Variants in PIK3C2G observed in about 807,000 individuals in gnomAD.
The protein encoded by PIK3C2G is phosphatidylinositol 3-kinase C2 domain-containing subunit gamma.
Under a neutral mutation model 181.1 loss-of-function variants are expected in PIK3C2G, and 168 were observed. The observed-to-expected ratio is 0.93, with a 90% CI of 0.82 to 1.05. The LOEUF is 1.05. Among genes scored for constraint, PIK3C2G ranks in the 50% least tolerant of loss-of-function variants. The pLI, the probability that PIK3C2G is intolerant of heterozygous loss-of-function variation, is 0.00. For missense variants in PIK3C2G, 1,869 were observed against 1,732.8 expected (o/e 1.08, Z -1.40); for synonymous variants, 573 against 592.2 (o/e 0.97, Z 0.47).
intron 1 of PIK3C2G, among the ~76,000 whole-genome samples, chr12:18,280,542 C>A (rs528816807): frequency 2.4e-4 from 37 of 151,882 alleles, no homozygotes; most frequent in African/African-American, 8.9e-4. Flanking sequence ...AGCCAGAAGG[C>A]CAAGATGATG....
chr12:18,552,966 A>T (rs1028050426), intron 26 of PIK3C2G, among the ~76,000 whole-genome samples: 7 of 152,126 alleles, frequency 4.6e-5, no homozygotes, highest in African/African-American at 1.7e-4. Context: ...GCATTTGAAA[A>T]GTTTAATGTA....
chr12:18,463,900 C>T (rs934547387), intron 18 of PIK3C2G, among the ~76,000 whole-genome samples: 11 of 152,098 alleles, frequency 7.2e-5, no homozygotes, highest in African/African-American at 2.7e-4. Flanking sequence ...AGGCCCTTCA[C>T]TCCTCCGCTC....
chr12:18,543,669 T>C (rs1944281733), intron 25 of PIK3C2G, among the ~76,000 whole-genome samples: 1 of 151,960 alleles, frequency 6.6e-6, no homozygotes, highest in Admixed American at 6.6e-5. Context: ...CTGCTTGTTT[T>C]TGTCAGCTTA....
intron 31 of PIK3C2G, among the ~76,000 whole-genome samples, chr12:18,631,766 T>G (rs539097460): frequency 6.6e-6 from 1 of 152,244 alleles, no homozygotes; most frequent in South Asian, 2.1e-4. Flanking sequence ...GAAAACTGAG[T>G]AGCAGTACTA....
intron 11 of PIK3C2G, among the ~76,000 whole-genome samples, chr12:18,359,208 T>C (rs1228981744): frequency 6.6e-6 from 1 of 152,208 alleles, no homozygotes; most frequent in East Asian, 1.9e-4. Flanking sequence ...TTTGCCGGAG[T>C]GTGTTGTTTA....
intron 18 of PIK3C2G, among the ~76,000 whole-genome samples, chr12:18,479,429 G>C (rs1040346434): frequency 2.0e-4 from 30 of 152,034 alleles, no homozygotes; most frequent in Non-Finnish European, 4.4e-5. Flanking sequence ...CAGTCCACTG[G>C]GTGGATGACT....
chr12:18,609,095 A>G (rs1019143734), intron 30 of PIK3C2G, among the ~76,000 whole-genome samples: 3 of 152,154 alleles, frequency 2.0e-5, no homozygotes, highest in Admixed American at 2.0e-4. Flanking sequence ...TCCATTTTAT[A>G]TAAAGTTGAT....
At chr12:18,402,777 G>A (rs115285341) in intron 16 of PIK3C2G, among the ~76,000 whole-genome samples, 27 of 152,192 alleles carry the variant, frequency 1.8e-4, no homozygotes, top group African/African-American at 4.1e-4. Flanking sequence ...ATTATGCTTC[G>A]TGAGTCTTCT....
the PIK3C2G span, among the ~76,000 whole-genome samples, chr12:18,716,160 A>G: frequency 6.6e-6 from 1 of 152,102 alleles, no homozygotes; most frequent in East Asian, 1.9e-4. Flanking sequence ...TTTGATTATG[A>G]CGGTAAATTG....
At chr12:18,279,030 T>A (rs554959901) in intron 1 of PIK3C2G, among the ~76,000 whole-genome samples, 97 of 152,156 alleles carry the variant, frequency 6.4e-4, no homozygotes, top group Non-Finnish European at 1.2e-3. Flanking sequence ...AAAAAAATAT[T>A]GTTATTAATA....
At chr12:18,324,361 G>A (rs1259094610) in intron 7 of PIK3C2G, among the ~76,000 whole-genome samples, 2 of 151,934 alleles carry the variant, frequency 1.3e-5, no homozygotes, top group Non-Finnish European at 2.9e-5. Context: ...AAATGAGAAT[G>A]CAGCTACTGT....
chr12:18,371,315 A>G lies in PIK3C2G; in HGVS notation c.1880+4A>G. The G allele has an allele frequency of 6.2e-7, 1 of 1,604,686 alleles. No homozygotes were observed. Among genetic ancestry groups the G allele is most frequent in the Non-Finnish European group, 8.5e-7 (1 of 1,176,034 alleles). ...GTCTTCCACTGTTTCCAAAAGAGTA[A>G]GTGTATCAATTGTGAGTAATAAGCC... is the stretch of plus-strand genomic sequence containing the variant. On this transcript the variant is annotated splice_donor_region_variant and intron_variant, in intron 13 of 32. Transcript: ENST00000538779.
the PIK3C2G span, among the ~76,000 whole-genome samples, chr12:18,661,712 C>A: frequency 6.6e-6 from 1 of 152,218 alleles, no homozygotes; most frequent in Middle Eastern, 3.4e-3. Context: ...GAAATTAGGT[C>A]AGCCATTGTG....
chr12:18,389,777 A>T (rs1943423949), intron 14 of PIK3C2G, among the ~76,000 whole-genome samples: 1 of 152,202 alleles, frequency 6.6e-6, no homozygotes, highest in African/African-American at 2.4e-5. Flanking sequence ...ACGTATCAGA[A>T]ATGAAAATTG....
intron 32 of PIK3C2G, among the ~76,000 whole-genome samples, chr12:18,641,980 C>T (rs1949865829): frequency 6.6e-6 from 1 of 152,108 alleles, no homozygotes; most frequent in Non-Finnish European, 1.5e-5. Context: ...AAACTCCTGA[C>T]CTCAGGTGAT....
rs780794193 is a variant in PIK3C2G at position 18,286,925 on chromosome 12, A to G, written c.757A>G (p.Lys253Glu). 3 of 1,533,002 alleles carry G rather than the reference A, an allele frequency of 2.0e-6. No individual in the cohort carries two copies. In the African/African-American group the frequency reaches 4.2e-5, roughly 21 times the overall value. The allele number at this position is 1,533,002 out of a possible 1,614,324, so 95.0% of individuals were successfully genotyped here. A position where few individuals can be genotyped will look rare whatever the true frequency, so the allele number is the denominator to read the frequency against. The stretch of plus-strand genomic sequence containing the variant: ...TCTGGCCTCTTTTTGCAACAAAGTA[A>G]AAAAGTGAGTACTGGTATTTCATTA... ...TSLASFCNKV[K>E]KIRERYHAAD... Residue 253 changes from lysine (K) to glutamate (E), a missense_variant, in exon 3 of 33, where the codon AAA becomes GAA. Lys to Glu is a moderately conservative substitution (Grantham distance 56). Transcript: ENST00000538779.
chr12:18,545,321 C>A (rs1309991909), intron 25 of PIK3C2G, among the ~76,000 whole-genome samples: 1 of 151,812 alleles, frequency 6.6e-6, no homozygotes, highest in African/African-American at 2.4e-5. Flanking sequence ...TTATACCATT[C>A]TTTTTCTCAT....
chr12:18,539,729 A>G (rs554979646), intron 25 of PIK3C2G, among the ~76,000 whole-genome samples: 1 of 151,986 alleles, frequency 6.6e-6, no homozygotes, highest in African/African-American at 2.4e-5. Context: ...TTTAACTTTC[A>G]AACAACATAT....
chr12:18,510,846 G>A (rs1375584790), intron 24 of PIK3C2G, among the ~76,000 whole-genome samples: 1 of 152,098 alleles, frequency 6.6e-6, no homozygotes, highest in Non-Finnish European at 1.5e-5. Flanking sequence ...TTTTTATGGT[G>A]AGACATTTGA....
Sources: allele counts gnomAD v4.1 joint callset (sites outside exome capture counted in the v4.1 genomes callset), GRCh38; gene constraint gnomAD v4.1.1; transcripts MANE v1.5; gene names NCBI Gene and HGNC (gene_info 2026-07-23, HGNC 2026-07-21).